LRBA: variants seen among roughly 807,000 people sequenced by gnomAD.
The protein encoded by LRBA is LPS responsive beige-like anchor protein, also known as lipopolysaccharide-responsive and beige-like anchor protein.
In LRBA, 176 loss-of-function variants were observed where a neutral mutation model predicts 330.0. The observed-to-expected ratio is 0.53, with a 90% CI of 0.47 to 0.60. The LOEUF is 0.60. Among genes scored for constraint, LRBA ranks in the 20% least tolerant of loss-of-function variants. The pLI, the probability that LRBA is intolerant of heterozygous loss-of-function variation, is 0.00. For missense variants in LRBA, 3,259 were observed against 3,444.8 expected (o/e 0.95, Z 1.35); for synonymous variants, 1,230 against 1,193.0 (o/e 1.03, Z -0.64).
chr4:150,820,987 G>T (rs1745352064), intron 30 of LRBA, among the ~76,000 whole-genome samples: 1 of 152,018 alleles, frequency 6.6e-6, no homozygotes, highest in Non-Finnish European at 1.5e-5. Flanking sequence ...AAACACAGAG[G>T]AAAATGCAAT....
chr4:150,540,633 C>T (rs1765217688), intron 40 of LRBA, among the ~76,000 whole-genome samples: 1 of 152,160 alleles, frequency 6.6e-6, no homozygotes, highest in African/African-American at 2.4e-5. Context: ...TCCTTAATAA[C>T]AATAGCAACT....
At chr4:150,778,015 C>T (rs1737655781) in intron 34 of LRBA, among the ~76,000 whole-genome samples, 1 of 146,956 alleles carries the variant, frequency 6.8e-6, no homozygotes, top group African/African-American at 2.5e-5. Flanking sequence ...CAAAACTGTT[C>T]ATGCTCAAGA....
chr4:150,897,508 A>G (rs920528039), intron 15 of LRBA, among the ~76,000 whole-genome samples: 2 of 152,094 alleles, frequency 1.3e-5, no homozygotes, highest in Non-Finnish European at 2.9e-5. Flanking sequence ...TTGAGCTACT[A>G]TACAAATTTA....
intron 35 of LRBA, among the ~76,000 whole-genome samples, chr4:150,745,664 C>T (rs1732600840): frequency 6.6e-6 from 1 of 152,074 alleles, no homozygotes; most frequent in African/African-American, 2.4e-5. Context: ...TACAGGCACG[C>T]ACCACCACGC....
In LRBA at chr4:150,997,848, C is replaced by T. The variant is rs570456496; in HGVS notation, c.216+16579G>A. Among the ~76,000 whole-genome samples, 11 of 151,938 alleles carry T rather than the reference C, an allele frequency of 7.2e-5. No individual in the cohort carries two copies. The East Asian group carries it at 1.2e-3, about 16-fold the overall frequency. On this transcript the variant is annotated intron_variant, in intron 2 of 56. Transcript: ENST00000651943. Reference sequence around the variant, plus strand: ...CCTCCCGAGTAGCTGGGATTACAGGCGCACACCACCACGCCCAGTTAATTT... The same window carrying T: ...CCTCCCGAGTAGCTGGGATTACAGGTGCACACCACCACGCCCAGTTAATTT...
At chr4:150,614,764 A>G (rs1426601483) in intron 37 of LRBA, among the ~76,000 whole-genome samples, 1 of 152,244 alleles carries the variant, frequency 6.6e-6, no homozygotes, top group Non-Finnish European at 1.5e-5. Context: ...GAAAGGACAT[A>G]CATGTAATCT....
chr4:150,355,544 T>C (rs1468490847), intron 47 of LRBA, among the ~76,000 whole-genome samples: 2 of 152,024 alleles, frequency 1.3e-5, no homozygotes, highest in African/African-American at 4.8e-5. Context: ...CCAGAGAGAA[T>C]AGGCCTAGGC....
chr4:150,576,061 C>T (rs563228808), intron 40 of LRBA, among the ~76,000 whole-genome samples: 91 of 151,318 alleles, frequency 6.0e-4, no homozygotes, highest in African/African-American at 2.1e-3. Flanking sequence ...ACCAAATATA[C>T]CCTTTCATGT....
At chr4:150,648,163 A>AAAAAAAC (rs1779359627) in intron 37 of LRBA, among the ~76,000 whole-genome samples, 1 of 139,846 alleles carries the variant, frequency 7.2e-6, no homozygotes, top group African/African-American at 2.5e-5. Context: ...AGTAGCAAAA[A>AAAAAAAC]AAAAAAAAAA....
intron 2 of LRBA, among the ~76,000 whole-genome samples, chr4:151,000,938 G>A (rs1265916951): frequency 6.6e-6 from 1 of 152,246 alleles, no homozygotes; most frequent in Non-Finnish European, 1.5e-5. Context: ...GTAAGTGGGA[G>A]ACTCCCTGTG....
chr4:150,296,908 G>A (rs1467125840), intron 53 of LRBA, among the ~76,000 whole-genome samples: 2 of 125,074 alleles, frequency 1.6e-5, no homozygotes, highest in African/African-American at 6.3e-5. Context: ...ACCCCCCCGC[G>A]CCCACCCCCA....
At chr4:150,610,583 C>T (rs1475480493) in intron 37 of LRBA, among the ~76,000 whole-genome samples, 2 of 151,632 alleles carry the variant, frequency 1.3e-5, no homozygotes, top group Non-Finnish European at 2.9e-5. Context: ...GGTGAGACTC[C>T]CATCACAAAA....
Position 150,735,305 on chromosome 4 carries a change from G to A in LRBA, c.5707C>T (p.Leu1903=). The change falls in exon 36 of 57, where the codon CTG becomes TTG. Residue 1903 remains leucine, a synonymous_variant. Transcript: ENST00000651943. The stretch of plus-strand genomic sequence containing the variant: ...ATATCTTCTGCTCTCTGCCTGCTCA[G>A]GATAAATTCAGCTTCATTTGCTACT... ...VRVANEAEFI[L]SRQRAEDIHR... 6.2e-7 allele frequency: 1 copy of A among 1,613,668 alleles called. No individual in the cohort carries two copies. Among genetic ancestry groups the A allele is most frequent in the Non-Finnish European group, 8.5e-7 (1 of 1,179,750 alleles).
chr4:150,605,653 A>G (rs1774549358), intron 37 of LRBA, among the ~76,000 whole-genome samples: 1 of 152,202 alleles, frequency 6.6e-6, no homozygotes, highest in East Asian at 1.9e-4. Context: ...GCTTGAAGAT[A>G]AAAAGCACTT....
chr4:150,379,128 C>A (rs1277653116), intron 47 of LRBA, among the ~76,000 whole-genome samples: 2 of 151,562 alleles, frequency 1.3e-5, no homozygotes, highest in Non-Finnish European at 2.9e-5. Context: ...CATGGTGAAA[C>A]CCTGCCTCTA....
intron 34 of LRBA, 152 bp from the exon 35 acceptor site, chr4:150,761,999 T>C (rs1735158528): frequency 5.5e-6 from 3 of 550,150 alleles, no homozygotes; most frequent in African/African-American, 2.0e-5. Context: ...TACTGAAAAG[T>C]ATACTGACAC....
intron 17 of LRBA, among the ~76,000 whole-genome samples, chr4:150,883,408 C>G (rs1301911949): frequency 6.6e-6 from 1 of 151,942 alleles, no homozygotes; most frequent in Non-Finnish European, 1.5e-5. Context: ...TGAAGTGAGC[C>G]GAGATTGCAC....
chr4:150,859,989 A>C (rs1463857698), intron 22 of LRBA, among the ~76,000 whole-genome samples: 1 of 152,182 alleles, frequency 6.6e-6, no homozygotes, highest in Non-Finnish European at 1.5e-5. Context: ...AGCTGCTAAA[A>C]ATTGTTCACC....
chr4:150,654,690 C>A (rs929025087), intron 37 of LRBA, among the ~76,000 whole-genome samples: 1 of 152,048 alleles, frequency 6.6e-6, no homozygotes, highest in South Asian at 2.1e-4. Flanking sequence ...CTATCCCTAC[C>A]CCCTCCCCCT....
Sources: gnomAD v4.1 joint callset for allele counts (sites outside exome capture counted in the v4.1 genomes callset) on GRCh38, gnomAD v4.1.1 for gene constraint, MANE v1.5 for transcripts, NCBI Gene and HGNC (gene_info 2026-07-23, HGNC 2026-07-21) for gene names.